Variants in KDM4C observed in about 807,000 individuals in gnomAD.
KDM4C encodes the protein lysine demethylase 4C, also known as lysine-specific demethylase 4C.
KDM4C carries 81 observed loss-of-function variants against 129.3 expected under a neutral mutation model. The ratio of observed to expected loss-of-function variants is 0.63; its 90% CI spans 0.52 to 0.75. The LOEUF (loss-of-function observed/expected upper bound fraction) is 0.75, where lower values mean the gene tolerates loss of function less well. KDM4C is among the 30% of genes least tolerant of loss of function. KDM4C has a pLI of 0.00. For missense variants in KDM4C, 1,457 were observed against 1,304.0 expected (o/e 1.12, Z -1.81); for synonymous variants, 573 against 456.1 (o/e 1.26, Z -3.26).
At chr9:7,044,432 G>C (rs939221602) in intron 15 of KDM4C, among the ~76,000 whole-genome samples, 13 of 151,854 alleles carry the variant, frequency 8.6e-5, no homozygotes, top group African/African-American at 3.1e-4. Context: ...AGTAGCTCTG[G>C]GTGGCTATTG....
At chr9:6,958,517 G>A (rs1377336753) in intron 8 of KDM4C, among the ~76,000 whole-genome samples, 1 of 151,818 alleles carries the variant, frequency 6.6e-6, no homozygotes, top group African/African-American at 2.4e-5. Flanking sequence ...AACCAGGGAG[G>A]CAGAGGTTGT....
Position 7,091,162 on chromosome 9 carries a change from C to T in KDM4C, c.2425-12523C>T, listed in dbSNP as rs554293856. Among the ~76,000 whole-genome samples, 17 of 150,184 alleles carry T rather than the reference C, an allele frequency of 1.1e-4. No homozygotes were observed. The East Asian group carries it at 1.2e-3, about 10-fold the overall frequency. On this transcript the variant is annotated intron_variant, in intron 17 of 21. Coordinates refer to ENST00000381309, the MANE Select transcript of KDM4C (RefSeq NM_015061.6). ...AACCTGACCAGGTGACTCTTTCTTTCGAGGCTCTCAGATGGTTTTCAATGG... is the reference window on the plus strand; with the variant it reads ...AACCTGACCAGGTGACTCTTTCTTTTGAGGCTCTCAGATGGTTTTCAATGG...
rs566547238 is a variant in KDM4C, at chr9:6,735,885, G to T, written c.49+14888G>T. The stretch of plus-strand genomic sequence containing the variant: ...GCTCAGAAGAAGACAGGAAAATGTG[G>T]GAAAGTTTGGCACTCCCTAGAGACT... On this transcript the variant is annotated intron_variant, in intron 1 of 17. Transcript: ENST00000536108. Among the ~76,000 whole-genome samples, 4 of 152,264 alleles carry T rather than the reference G, an allele frequency of 2.6e-5. No homozygotes were observed. In the East Asian group the frequency reaches 7.7e-4, roughly 29 times the overall value.
rs563508624 is a variant in KDM4C, at chr9:6,961,618, CTT to C, written c.922-19306_922-19305del. 7.0e-4 allele frequency among the ~76,000 whole-genome samples: 106 copies of C among 152,238 alleles called. 1 individual carries two copies. The East Asian group carries it at 0.019, about 28-fold the overall frequency. ...AAATATCTAATGTCTTAAATTATGA[CTT>C]AACTAAATTCAAAATTATTTATCAT... On this transcript the variant is annotated intron_variant, in intron 8 of 21. Coordinates refer to ENST00000381309, the MANE Select transcript of KDM4C (RefSeq NM_015061.6).
intron 2 of KDM4C, among the ~76,000 whole-genome samples, chr9:6,801,930 C>G (rs1414157751): frequency 1.3e-5 from 2 of 151,704 alleles, no homozygotes; most frequent in Non-Finnish European, 2.9e-5. Context: ...CATAGTGAAA[C>G]CCTGTCTCTA....
intron 15 of KDM4C, among the ~76,000 whole-genome samples, chr9:7,025,181 C>G (rs1292622473): frequency 6.6e-6 from 1 of 152,096 alleles, no homozygotes; most frequent in African/African-American, 2.4e-5. Flanking sequence ...GTAGCTACTC[C>G]AGCTCTTTTT....
intron 5 of KDM4C, among the ~76,000 whole-genome samples, chr9:6,859,738 C>T (rs139661221): frequency 2.2e-4 from 34 of 151,552 alleles, no homozygotes; most frequent in African/African-American, 6.5e-4. Flanking sequence ...TGGTTGCAGG[C>T]GCCTGTAGTC....
At chr9:6,925,435 C>A in intron 8 of KDM4C, 1 of 927,408 alleles carries the variant, frequency 1.1e-6, no homozygotes. Flanking sequence ...CTCCTTTCCC[C>A]TTTTCCTCTT....
intron 19 of KDM4C, among the ~76,000 whole-genome samples, chr9:7,146,761 C>G (rs1842252849): frequency 6.6e-6 from 1 of 152,210 alleles, no homozygotes. Context: ...AGTCACTCTT[C>G]TCTACCAGTG....
At position 7,046,918 on chromosome 9, in the gene KDM4C, G is replaced by C; in HGVS notation, c.2315+1G>C. On this transcript the variant is annotated splice_donor_variant, in intron 16 of 21. Coordinates refer to ENST00000381309, the MANE Select transcript of KDM4C (RefSeq NM_015061.6). LOFTEE classifies it high-confidence loss of function. Reference sequence around the variant, plus strand: ...CTCTTAAGCAAACGAAGAACAATAAGTAAGTAATACATTAATTGTGTTGAA... The same window carrying C: ...CTCTTAAGCAAACGAAGAACAATAACTAAGTAATACATTAATTGTGTTGAA... 1 of 1,560,602 alleles carries C rather than the reference G, an allele frequency of 6.4e-7. No homozygotes were observed.
chr9:6,895,382 G>A (rs915175266), intron 8 of KDM4C, among the ~76,000 whole-genome samples: 7 of 152,170 alleles, frequency 4.6e-5, no homozygotes, highest in African/African-American at 1.7e-4. Flanking sequence ...CATATTTGTT[G>A]CTGACTGTGA....
At chr9:7,098,983 C>T (rs1370786150) in intron 17 of KDM4C, among the ~76,000 whole-genome samples, 2 of 152,162 alleles carry the variant, frequency 1.3e-5, no homozygotes, top group Non-Finnish European at 2.9e-5. Flanking sequence ...CTCTGACTTG[C>T]CTGCAGCAAT....
At chr9:7,148,154 T>C (rs1211170145) in intron 19 of KDM4C, among the ~76,000 whole-genome samples, 1 of 152,190 alleles carries the variant, frequency 6.6e-6, no homozygotes, top group Non-Finnish European at 1.5e-5. Flanking sequence ...GCTGTGGATA[T>C]CAGCATCCGG....
chr9:6,990,273 T>C, intron 11 of KDM4C, 143 bp from the exon 12 acceptor site: 1 of 639,626 alleles, frequency 1.6e-6, no homozygotes, highest in Non-Finnish European at 2.8e-6. Flanking sequence ...TTAAATTTCT[T>C]AAAGGACTAG....
intron 1 of KDM4C, among the ~76,000 whole-genome samples, chr9:6,740,664 G>T (rs147834243): frequency 6.6e-6 from 1 of 151,820 alleles, no homozygotes; most frequent in Non-Finnish European, 1.5e-5. Flanking sequence ...GATTACAGGC[G>T]CGCGCCACCA....
At chr9:7,003,028 T>G (rs368245923) in intron 12 of KDM4C, among the ~76,000 whole-genome samples, 3 of 152,150 alleles carry the variant, frequency 2.0e-5, no homozygotes, top group African/African-American at 7.2e-5. Flanking sequence ...TCTCGGCTAA[T>G]GTTTGTATTG....
At chr9:7,152,975 A>C (rs555574395) in intron 19 of KDM4C, among the ~76,000 whole-genome samples, 1 of 152,314 alleles carries the variant, frequency 6.6e-6, no homozygotes, top group East Asian at 1.9e-4. Context: ...AAAAACTCCA[A>C]ATGTGGTGAC....
chr9:7,108,237 T>C (rs552160945), intron 18 of KDM4C, among the ~76,000 whole-genome samples: 4 of 152,086 alleles, frequency 2.6e-5, no homozygotes. Context: ...AATGCTTTTT[T>C]GTTTTTTATT....
chr9:6,990,333 A>G, intron 11 of KDM4C, 83 bp from the exon 12 acceptor site: 1 of 892,848 alleles, frequency 1.1e-6, no homozygotes, highest in Non-Finnish European at 1.8e-6. Context: ...TAAGTGATAA[A>G]TAATTGTGAA....
Sources: allele counts gnomAD v4.1 joint callset (sites outside exome capture counted in the v4.1 genomes callset), GRCh38; gene constraint gnomAD v4.1.1; transcripts MANE v1.5; gene names NCBI Gene and HGNC (gene_info 2026-07-23, HGNC 2026-07-21).